Variants in SP140 observed in about 807,000 individuals in gnomAD.
The protein encoded by SP140 is SP140 nuclear body protein, also known as nuclear body protein SP140.
SP140 carries 81 observed loss-of-function variants against 125.0 expected under a neutral mutation model. The ratio of observed to expected loss-of-function variants is 0.65; its 90% confidence interval spans 0.54 to 0.78. The LOEUF is 0.78. Among genes scored for constraint, SP140 ranks in the 30% least tolerant of loss-of-function variants. The pLI is 0.00. For synonymous variants in SP140, 312 were observed against 354.0 expected (o/e 0.88, Z 1.33); for missense variants, 858 against 1,037.0 (o/e 0.83, Z 2.37).
chr2:230,307,992 C>CAA, intron 22 of SP140, among the ~76,000 whole-genome samples: 2 of 49,078 alleles, frequency 4.1e-5, no homozygotes, highest in Non-Finnish European at 4.0e-5. Context: ...TATATATATA[C>CAA]ACACACACAC....
chr2:230,310,603 C>G, intron 23 of SP140, 140 bp from the exon 24 acceptor site: 1 of 1,576,734 alleles, frequency 6.3e-7, no homozygotes, highest in Non-Finnish European at 8.6e-7. Context: ...ATGTGTGAAT[C>G]TTGCATACTT....
At chr2:230,233,087 T>G (rs1017647557) in intron 1 of SP140, among the ~76,000 whole-genome samples, 17 of 152,186 alleles carry the variant, frequency 1.1e-4, no homozygotes, top group African/African-American at 4.1e-4. Context: ...GGATTTTTTA[T>G]TTTTATATTT....
intron 3 of SP140, chr2:230,216,652 G>A: frequency 8.9e-7 from 1 of 1,121,914 alleles, no homozygotes; most frequent in Admixed American, 1.8e-5. Context: ...CCCACCTTCT[G>A]TGATAATGAA....
At chr2:230,294,404 G>A in intron 21 of SP140, 86 bp downstream of exon 21, 1 of 1,025,906 alleles carries the variant, frequency 9.7e-7, no homozygotes, top group South Asian at 1.4e-5. Context: ...TCTGAAATTG[G>A]GTAGGAATAA....
chr2:230,195,825 C>A, the SP140 span, among the ~76,000 whole-genome samples: 1 of 151,478 alleles, frequency 6.6e-6, no homozygotes, highest in Admixed American at 6.6e-5. Flanking sequence ...CAAAAAACAC[C>A]CCGACACTAT....
At chr2:230,235,330 C>A (rs960593877) in intron 1 of SP140, among the ~76,000 whole-genome samples, 2 of 152,216 alleles carry the variant, frequency 1.3e-5, no homozygotes, top group Non-Finnish European at 2.9e-5. Context: ...CCTCAGACCA[C>A]TTTTTCTCTT....
intron 22 of SP140, among the ~76,000 whole-genome samples, chr2:230,305,434 T>C (rs2058666032): frequency 6.6e-6 from 1 of 152,230 alleles, no homozygotes; most frequent in Non-Finnish European, 1.5e-5. Context: ...AAGTGGCTGC[T>C]GCCATGAAGC....
At chr2:230,221,803 G>T (rs890808032), upstream of SP140, 57 of 1,312,420 alleles carry the variant, frequency 4.3e-5, no homozygotes, top group Middle Eastern at 1.8e-4. Flanking sequence ...AGATACACCA[G>T]GCAAATGCAA....
intron 15 of SP140, 178 bp downstream of exon 15, chr2:230,270,817 C>T (rs1275340710): frequency 3.0e-6 from 2 of 677,834 alleles, no homozygotes; most frequent in African/African-American, 1.8e-5. Flanking sequence ...TGCTATCTTA[C>T]ATGACAAAAG....
At chr2:230,242,834 G>C (rs1026620132) in intron 4 of SP140, among the ~76,000 whole-genome samples, 1 of 151,990 alleles carries the variant, frequency 6.6e-6, no homozygotes, top group Non-Finnish European at 1.5e-5. Flanking sequence ...CCCAAGACCA[G>C]GTCTCTGGTC....
rs775896706 is a variant in SP140 at position 230,255,564 on chromosome 2, G to A, written c.1240+32G>A. The A allele has an allele frequency of 1.9e-6, 3 of 1,601,190 alleles. No homozygotes were observed. In the South Asian group the frequency reaches 3.3e-5, roughly 18 times the overall value. On this transcript the variant is annotated intron_variant, in intron 12 of 26. Transcript: ENST00000392045. The stretch of plus-strand genomic sequence containing the variant: ...ACGGGGGGGGGGATTTCTGGCCCTG[G>A]GCTGCAGAGTGTCAGGAGGTTGAAT...
chr2:230,221,369 C>T (rs1382601626), upstream of SP140, among the ~76,000 whole-genome samples: 1 of 151,704 alleles, frequency 6.6e-6, no homozygotes, highest in Non-Finnish European at 1.5e-5. Flanking sequence ...CCTACCAGGA[C>T]ATCCACAAAC....
At chr2:230,251,962 T>C (rs1008714484) in intron 10 of SP140, among the ~76,000 whole-genome samples, 12 of 152,018 alleles carry the variant, frequency 7.9e-5, no homozygotes, top group African/African-American at 2.9e-4. Context: ...AGGCTTTCAG[T>C]TCTGTGAGGC....
chr2:230,239,864 G>C (rs1186849255), intron 3 of SP140, among the ~76,000 whole-genome samples: 1 of 152,200 alleles, frequency 6.6e-6, no homozygotes, highest in Non-Finnish European at 1.5e-5. Context: ...ATTTTAACCA[G>C]GGTGTTCCAG....
chr2:230,293,319 A>T (rs2057338286), intron 20 of SP140, among the ~76,000 whole-genome samples: 1 of 152,178 alleles, frequency 6.6e-6, no homozygotes, highest in African/African-American at 2.4e-5. Context: ...TGGAAATGAC[A>T]TTTAAAACAA....
chr2:230,209,746 G>A (rs1242087749), intron 1 of SP140, among the ~76,000 whole-genome samples: 2 of 152,178 alleles, frequency 1.3e-5, no homozygotes, highest in Non-Finnish European at 2.9e-5. Flanking sequence ...ATGCCTTCTG[G>A]TTTCCTGATA....
At chr2:230,193,676 ATAAGAC>A in the SP140 span, among the ~76,000 whole-genome samples, 5 of 152,352 alleles carry the variant, frequency 3.3e-5, no homozygotes, top group South Asian at 1.0e-3. Context: ...GAGACTAAAG[ATAAGAC>A]TCCAATCCCT....
At position 230,248,969 on chromosome 2, in the gene SP140, G is replaced by A. The variant is rs2049935545; in HGVS notation, c.976+1G>A. On this transcript the variant is annotated splice_donor_variant, in intron 9 of 26. Coordinates refer to ENST00000392045, the MANE Select transcript of SP140 (RefSeq NM_007237.5). LOFTEE classifies it high-confidence loss of function. ...TGTCTACTACCAGGTGAAGGAGAAG[G>A]TAATTATGATTTAAGTTTTTAAATA... is the stretch of plus-strand genomic sequence containing the variant. The A allele has an allele frequency of 1.2e-6, 2 of 1,604,746 alleles. No individual in the cohort carries two copies. Among genetic ancestry groups the A allele is most frequent in the East Asian group, 2.2e-5 (1 of 44,838 alleles).
Position 230,248,782 on chromosome 2 carries a change from C to T in SP140, c.893-103C>T, listed in dbSNP as rs113244513. ...AAGGTGGAGAAAAGGCGGAACAAGA[C>T]AGGGGTGGCTCTCAGCATTTGCCCA... On this transcript the variant is annotated intron_variant, in intron 8 of 26. Transcript: ENST00000392045. 2,760 of 860,666 alleles carry T rather than the reference C, an allele frequency of 3.2e-3. 3 individuals are homozygous for T. The highest frequency in any genetic ancestry group is 3.7e-3 in the Non-Finnish European group (1,924 of 521,706). The allele number at this position is 860,666 out of a possible 1,614,324, so 53.3% of individuals were successfully genotyped here.
Sources: allele counts gnomAD v4.1 joint callset (sites outside exome capture counted in the v4.1 genomes callset), GRCh38; gene constraint gnomAD v4.1.1; transcripts MANE v1.5; gene names NCBI Gene and HGNC (gene_info 2026-07-23, HGNC 2026-07-21).